The following FUBP3 variants were observed in gnomAD, a reference collection of about 807,000 sequenced individuals.
FUBP3 encodes the protein far upstream element-binding protein 3.
Under a neutral mutation model 85.6 loss-of-function variants are expected in FUBP3, and 28 were observed. The ratio of observed to expected loss-of-function variants is 0.33; its 90% CI spans 0.24 to 0.45. FUBP3 has a LOEUF of 0.45. Ranked by LOEUF, FUBP3 falls within the 20% of genes least tolerant of loss-of-function variation. The pLI, the probability that FUBP3 is intolerant of heterozygous loss-of-function variation, is 1.00. For synonymous variants in FUBP3, 271 were observed against 271.4 expected (o/e 1.00, Z 0.01); for missense variants, 583 against 755.1 (o/e 0.77, Z 2.67).
At chr9:130,619,697 C>T (rs1016789925) in intron 8 of FUBP3, among the ~76,000 whole-genome samples, 4 of 152,112 alleles carry the variant, frequency 2.6e-5, no homozygotes, top group African/African-American at 9.7e-5. Flanking sequence ...ATGGGTTGGC[C>T]AACATGCAGT....
intron 7 of FUBP3, 82 bp from the exon 8 acceptor site, chr9:130,617,715 G>T: frequency 1.1e-6 from 1 of 886,494 alleles, no homozygotes; most frequent in Non-Finnish European, 1.9e-6. Flanking sequence ...TATTGTGGGT[G>T]TGACTGGGTC....
intron 13 of FUBP3, 43 bp from the exon 14 acceptor site, chr9:130,631,514 G>A: frequency 6.4e-7 from 1 of 1,551,592 alleles, no homozygotes; most frequent in Admixed American, 1.7e-5. Flanking sequence ...GGAAAGAGGT[G>A]TGCAACCAAC....
rs566840274 is a variant in FUBP3 at position 130,620,419 on chromosome 9, C to T, written c.732C>T (p.Arg244=). Residue 244 remains arginine (R), a synonymous_variant, in exon 9 of 19, where the codon CGC becomes CGT. Coordinates refer to ENST00000319725, the MANE Select transcript of FUBP3 (RefSeq NM_003934.2). ...ACCAAGCTGACTTTCGGGGTGTACG[C>T]GGCGATTTCAACTCTCGAATGGGAG... is the stretch of plus-strand genomic sequence containing the variant. ...EKDQADFRGV[R]GDFNSRMGGG... 3.0e-4 allele frequency: 483 copies of T among 1,602,284 alleles called. No individual in the cohort carries two copies. In the South Asian group the frequency reaches 4.9e-3, roughly 16 times the overall value.
In FUBP3 at chr9:130,637,000, C is replaced by T. The variant is rs372992756; in HGVS notation, c.1711-14C>T. 2.5e-6 allele frequency: 4 copies of T among 1,612,278 alleles called. No homozygotes were observed. Among genetic ancestry groups the T allele is most frequent in the Middle Eastern group, 1.7e-4 (1 of 6,054 alleles). On this transcript the variant is annotated splice_polypyrimidine_tract_variant and intron_variant, in intron 18 of 18. Coordinates refer to ENST00000319725, the MANE Select transcript of FUBP3 (RefSeq NM_003934.2). ...TGCCATCACAGACTAATTCCTCTTC[C>T]CTTCCGCCCACAGGAGCAGTAGGAC...
chr9:130,600,853 G>C (rs1357805450), intron 2 of FUBP3, among the ~76,000 whole-genome samples: 2 of 150,486 alleles, frequency 1.3e-5, no homozygotes, highest in African/African-American at 2.4e-5. Flanking sequence ...GTGCATGCCT[G>C]CAGCCCCAGC....
At chr9:130,589,732 A>ATTTT (rs1564191169) in intron 1 of FUBP3, among the ~76,000 whole-genome samples, 2 of 93,892 alleles carry the variant, frequency 2.1e-5, no homozygotes, top group Admixed American at 1.2e-4. Context: ...TTTTTTTAAG[A>ATTTT]GACAGGGTCT....
intron 13 of FUBP3, chr9:130,631,066 TG>T: frequency 1.0e-6 from 1 of 982,434 alleles, no homozygotes; most frequent in Non-Finnish European, 1.3e-6. Context: ...GATGAGCGGC[TG>T]GGGCGGCAGC....
intron 1 of FUBP3, among the ~76,000 whole-genome samples, chr9:130,589,663 A>ATGTGTGTG (rs1457578376): frequency 1.7e-3 from 125 of 73,540 alleles, no homozygotes; most frequent in African/African-American, 6.7e-3. Context: ...TTAAATATGT[A>ATGTGTGTG]TGTATGTGTG....
rs371349693 is a variant in FUBP3 at position 130,579,674 on chromosome 9, G to A, written c.-7G>A. 0.011 allele frequency: 13,132 copies of A among 1,248,726 alleles called. 83 individuals carry two copies. The highest frequency in any genetic ancestry group is 0.015 in the Middle Eastern group (51 of 3,362). The allele number at this position is 1,248,726 out of a possible 1,614,324, so 77.4% of individuals were successfully genotyped here. A position where few individuals can be genotyped will look rare whatever the true frequency, so the allele number is the denominator to read the frequency against. ...CGGCGGCGGCGGCGACGGCGGCGGGGGCGGTAATGGCGGAGCTGGTGCAGG... is the reference window on the plus strand; with the variant it reads ...CGGCGGCGGCGGCGACGGCGGCGGGAGCGGTAATGGCGGAGCTGGTGCAGG... On this transcript the variant is annotated 5_prime_UTR_variant, in exon 1 of 19. Coordinates refer to ENST00000319725, the MANE Select transcript of FUBP3 (RefSeq NM_003934.2).
rs556112183 is a variant in FUBP3 at position 130,600,289 on chromosome 9, G to A, written c.190+4701G>A. ...GTGCACCTCTCCTAGCAGAGCCTAC[G>A]TGATGTGGCCATAAAGACTGGCTTC... On this transcript the variant is annotated intron_variant, in intron 2 of 18. Coordinates refer to ENST00000319725, the MANE Select transcript of FUBP3 (RefSeq NM_003934.2). Among the ~76,000 whole-genome samples, 17 of 152,220 alleles carry A rather than the reference G, an allele frequency of 1.1e-4. No individual in the cohort carries two copies. In the East Asian group the frequency reaches 2.7e-3, roughly 24 times the overall value.
At chr9:130,584,482 C>T (rs565041772) in intron 1 of FUBP3, among the ~76,000 whole-genome samples, 14 of 149,110 alleles carry the variant, frequency 9.4e-5, no homozygotes, top group Non-Finnish European at 1.9e-4. Flanking sequence ...GAGCCGAGAT[C>T]GTGCCATTGC....
chr9:130,625,583 C>G (rs1181911454), intron 11 of FUBP3, among the ~76,000 whole-genome samples: 2 of 152,214 alleles, frequency 1.3e-5, no homozygotes, highest in African/African-American at 4.8e-5. Flanking sequence ...TTAAATACTG[C>G]AGCTCCAAAA....
chr9:130,592,837 C>G (rs1830693205), intron 1 of FUBP3, among the ~76,000 whole-genome samples: 1 of 152,188 alleles, frequency 6.6e-6, no homozygotes, highest in Non-Finnish European at 1.5e-5. Context: ...AGCCACCATG[C>G]TTTTGGCTGG....
chr9:130,590,931 C>T (rs1293208363), intron 1 of FUBP3, among the ~76,000 whole-genome samples: 33 of 151,770 alleles, frequency 2.2e-4, no homozygotes. Context: ...CTTCGACATA[C>T]CATTTACTTG....
At chr9:130,598,269 G>A (rs747208671) in intron 2 of FUBP3, among the ~76,000 whole-genome samples, 9 of 152,170 alleles carry the variant, frequency 5.9e-5, no homozygotes, top group Non-Finnish European at 1.3e-4. Context: ...CAAATATTTA[G>A]GTATTCCTTA....
chr9:130,611,939 C>G (rs1250227833), intron 3 of FUBP3, among the ~76,000 whole-genome samples: 1 of 152,128 alleles, frequency 6.6e-6, no homozygotes, highest in Non-Finnish European at 1.5e-5. Context: ...TGGGGCGTCT[C>G]ACCGTTAAAA....
At chr9:130,599,235 T>C (rs1217381706) in intron 2 of FUBP3, among the ~76,000 whole-genome samples, 1 of 151,680 alleles carries the variant, frequency 6.6e-6, no homozygotes, top group Non-Finnish European at 1.5e-5. Flanking sequence ...GAGGTTGCAG[T>C]GAGCCAAGAT....
intron 9 of FUBP3, among the ~76,000 whole-genome samples, chr9:130,621,778 G>T (rs558214465): frequency 2.0e-5 from 3 of 152,036 alleles, no homozygotes; most frequent in African/African-American, 7.2e-5. Flanking sequence ...GGTGACGCGT[G>T]CCTGTAGTCC....
At chr9:130,591,874 G>A (rs947593304) in intron 1 of FUBP3, among the ~76,000 whole-genome samples, 18 of 152,192 alleles carry the variant, frequency 1.2e-4, no homozygotes, top group Non-Finnish European at 1.8e-4. Flanking sequence ...AAAATGACAT[G>A]AAACTACTAC....
Sources: allele counts gnomAD v4.1 joint callset (sites outside exome capture counted in the v4.1 genomes callset), GRCh38; gene constraint gnomAD v4.1.1; transcripts MANE v1.5; gene names NCBI Gene and HGNC (gene_info 2026-07-23, HGNC 2026-07-21).